The following METTL15 variants were observed in gnomAD, a reference collection of about 807,000 sequenced individuals.
The protein encoded by METTL15 is methyltransferase 15, mitochondrial 12S rRNA N4-cytidine.
In METTL15, 34 loss-of-function variants were observed where a neutral mutation model predicts 38.3. That is an observed-to-expected ratio of 0.89 (90% CI 0.68 to 1.18). The LOEUF (loss-of-function observed/expected upper bound fraction) is 1.18, where lower values mean the gene tolerates loss of function less well. METTL15 is among the 50% of genes most tolerant of loss of function. METTL15 has a pLI of 0.00. For synonymous variants in METTL15, 162 were observed against 170.9 expected (o/e 0.95, Z 0.41); for missense variants, 438 against 498.4 (o/e 0.88, Z 1.15).
At chr11:28,120,931 A>G (rs1852206137) in intron 3 of METTL15, among the ~76,000 whole-genome samples, 1 of 152,132 alleles carries the variant, frequency 6.6e-6, no homozygotes, top group Non-Finnish European at 1.5e-5. Context: ...TATAGGGCAC[A>G]TGAGCTGTCT....
At chr11:28,396,734 A>C (rs1374227102) in intron 5 of METTL15, among the ~76,000 whole-genome samples, 1 of 152,186 alleles carries the variant, frequency 6.6e-6, no homozygotes, top group African/African-American at 2.4e-5. Flanking sequence ...GAATTGGAAA[A>C]AACTACTTTA....
At chr11:28,149,921 C>A (rs1850021530) in intron 3 of METTL15, among the ~76,000 whole-genome samples, 1 of 151,980 alleles carries the variant, frequency 6.6e-6, no homozygotes, top group Non-Finnish European at 1.5e-5. Context: ...TGGAAACACT[C>A]ATTGAGACAA....
intron 4 of METTL15, among the ~76,000 whole-genome samples, chr11:28,354,338 G>A (rs997637434): frequency 2.0e-5 from 3 of 152,114 alleles, no homozygotes; most frequent in Admixed American, 1.3e-4. Flanking sequence ...GTAACATATT[G>A]GGGGAGAGGA....
chr11:28,222,886 A>T (rs1478178823), intron 4 of METTL15, among the ~76,000 whole-genome samples: 2 of 152,242 alleles, frequency 1.3e-5, no homozygotes, highest in Non-Finnish European at 2.9e-5. Context: ...TTACAAAACT[A>T]GAGAGAAGAC....
At chr11:28,343,851 T>C (rs1288587920) in intron 3 of METTL15, among the ~76,000 whole-genome samples, 2 of 152,148 alleles carry the variant, frequency 1.3e-5, no homozygotes, top group East Asian at 3.9e-4. Flanking sequence ...CTGTTTAATA[T>C]AGGGTGAGAC....
At position 28,514,503 on chromosome 11, in the gene METTL15, A is replaced by G. The variant is rs1429827928; in HGVS notation, c.*425-11975A>G. Among the ~76,000 whole-genome samples, 4 of 152,236 alleles carry G rather than the reference A, an allele frequency of 2.6e-5. No homozygotes were observed. In the East Asian group the frequency reaches 7.7e-4, roughly 29 times the overall value. ...CATACTAGCTTTTTTCACACAAATAAGATAATTCCCTTTGTGGTTTAAATC... is the reference window on the plus strand; with the variant it reads ...CATACTAGCTTTTTTCACACAAATAGGATAATTCCCTTTGTGGTTTAAATC... On this transcript the variant is annotated intron_variant and NMD_transcript_variant, in intron 6 of 7. Transcript: ENST00000532947.
At position 28,397,395 on chromosome 11, in the gene METTL15, GA is replaced by G. The variant is rs1163382388; in HGVS notation, c.*359-26897del. The stretch of plus-strand genomic sequence containing the variant: ...ACAATGAACTCCAACAAATTTACAA[GA>G]AAAAAACAAACAGCCCCATCAAGTG... On this transcript the variant is annotated intron_variant and NMD_transcript_variant, in intron 5 of 7. Coordinates refer to the METTL15 transcript ENST00000532947. Among the ~76,000 whole-genome samples, 10 of 152,054 alleles carry G rather than the reference GA, an allele frequency of 6.6e-5. No homozygotes were observed. In the East Asian group the frequency reaches 1.7e-3, roughly 27 times the overall value.
At chr11:28,337,643 A>G (rs1347634942), downstream of METTL15, among the ~76,000 whole-genome samples, 1 of 152,180 alleles carries the variant, frequency 6.6e-6, no homozygotes, top group East Asian at 1.9e-4. Context: ...TTCCAGTCAT[A>G]CAAGCACTAT....
chr11:28,489,106 G>C (rs1393393371), intron 6 of METTL15, among the ~76,000 whole-genome samples: 1 of 152,094 alleles, frequency 6.6e-6, no homozygotes, highest in Non-Finnish European at 1.5e-5. Context: ...CAATGGGTGA[G>C]ATGTGTGTCA....
In METTL15 at chr11:28,388,822, C is replaced by A. The variant is rs1037930930; in HGVS notation, c.*358+26786C>A. On this transcript the variant is annotated intron_variant and NMD_transcript_variant, in intron 5 of 7. Coordinates refer to the METTL15 transcript ENST00000532947. ...CATTAGGTATATCTCCTAATGCTAT[C>A]CCTCCCCCCTACACCCACCCCACAA... 4.6e-5 allele frequency among the ~76,000 whole-genome samples: 7 copies of A among 151,810 alleles called. 1 individual carries two copies. Among genetic ancestry groups the A allele is most frequent in the Non-Finnish European group, 1.0e-4 (7 of 67,966 alleles).
intron 5 of METTL15, among the ~76,000 whole-genome samples, chr11:28,397,110 A>C (rs1850578507): frequency 6.6e-6 from 1 of 152,168 alleles, no homozygotes; most frequent in African/African-American, 2.4e-5. Flanking sequence ...TTAAAGACTT[A>C]AATGTTAGAC....
At chr11:28,501,825 C>T (rs934783982) in intron 6 of METTL15, among the ~76,000 whole-genome samples, 14 of 152,126 alleles carry the variant, frequency 9.2e-5, no homozygotes, top group Admixed American at 6.5e-4. Context: ...CTCGGCCAGG[C>T]GCGGTGGCTC....
intron 6 of METTL15, among the ~76,000 whole-genome samples, chr11:28,468,426 G>T (rs1851275645): frequency 6.6e-6 from 1 of 152,066 alleles, no homozygotes; most frequent in Non-Finnish European, 1.5e-5. Context: ...ATGCAAATTT[G>T]GGACAGCAAA....
intron 4 of METTL15, among the ~76,000 whole-genome samples, chr11:28,273,728 A>G (rs1028220272): frequency 8.5e-5 from 13 of 152,132 alleles, no homozygotes; most frequent in African/African-American, 2.4e-4. Flanking sequence ...ATGTTAGTAA[A>G]TGGACTAAAG....
intron 6 of METTL15, among the ~76,000 whole-genome samples, chr11:28,487,699 G>T (rs989473017): frequency 4.6e-5 from 7 of 152,136 alleles, no homozygotes; most frequent in African/African-American, 1.7e-4. Flanking sequence ...GACCACAGAT[G>T]TAGATACAGA....
chr11:28,294,336 G>C (rs1343772084), intron 5 of METTL15, among the ~76,000 whole-genome samples: 1 of 152,142 alleles, frequency 6.6e-6, no homozygotes, highest in African/African-American at 2.4e-5. Flanking sequence ...GTTTGCCTTG[G>C]CTAATCCAGG....
intron 6 of METTL15, among the ~76,000 whole-genome samples, chr11:28,480,414 T>G (rs538855540): frequency 2.0e-5 from 3 of 152,326 alleles, no homozygotes; most frequent in Admixed American, 2.0e-4. Flanking sequence ...GAGCATGTAT[T>G]TATTGAAGAG....
At chr11:28,400,506 A>G (rs1850620651) in intron 5 of METTL15, among the ~76,000 whole-genome samples, 1 of 151,942 alleles carries the variant, frequency 6.6e-6, no homozygotes. Flanking sequence ...GAGCAAACAA[A>G]GGAGATCTGA....
chr11:28,340,250 A>G (rs1229375701), intron 3 of METTL15, among the ~76,000 whole-genome samples: 1 of 152,092 alleles, frequency 6.6e-6, no homozygotes, highest in Non-Finnish European at 1.5e-5. Context: ...TAGATTGAGC[A>G]ATCCATTACT....
Sources: allele counts gnomAD v4.1 joint callset (sites outside exome capture counted in the v4.1 genomes callset), GRCh38; gene constraint gnomAD v4.1.1; transcripts MANE v1.5; gene names NCBI Gene and HGNC (gene_info 2026-07-23, HGNC 2026-07-21).